Variants in PARD3B observed in about 807,000 individuals in gnomAD.
PARD3B encodes the protein par-3 family cell polarity regulator beta.
Under a neutral mutation model 130.2 loss-of-function variants are expected in PARD3B, and 103 were observed. The ratio of observed to expected loss-of-function variants is 0.79; its 90% CI spans 0.67 to 0.93. PARD3B has a LOEUF of 0.93. Ranked by LOEUF, PARD3B falls within the 40% of genes least tolerant of loss-of-function variation. The pLI, the probability that PARD3B is intolerant of heterozygous loss-of-function variation, is 0.00. For synonymous variants in PARD3B, 583 were observed against 553.2 expected, an observed-to-expected ratio of 1.05 and a Z score of -0.76; for missense variants, 1,609 against 1,499.2, an observed-to-expected ratio of 1.07 and a Z score of -1.21.
intron 16 of PARD3B, among the ~76,000 whole-genome samples, chr2:205,283,918 T>C (rs1346875271): frequency 6.6e-6 from 1 of 152,174 alleles, no homozygotes; most frequent in African/African-American, 2.4e-5. Flanking sequence ...AATGCTCCCC[T>C]CTACCCCCAC....
intron 21 of PARD3B, among the ~76,000 whole-genome samples, chr2:205,523,428 G>GAGAC (rs1004321083): frequency 2.0e-5 from 3 of 151,532 alleles, no homozygotes; most frequent in African/African-American, 7.3e-5. Context: ...CTTTTTAATA[G>GAGAC]AGACGGGGTT....
chr2:204,756,735 TAAGAA>T (rs1183272022), intron 2 of PARD3B, among the ~76,000 whole-genome samples: 1 of 151,996 alleles, frequency 6.6e-6, no homozygotes, highest in Non-Finnish European at 1.5e-5. Flanking sequence ...TGAAATAGAG[TAAGAA>T]AAGAAACTGA....
chr2:204,779,118 A>G lies in PARD3B; in HGVS notation c.222+92836A>G, dbSNP rs1036069273. ...GGAGATGCTTTAACCTGTCCTCTTC[A>G]TGGGGTCAACTTCTCCTCCCCCTCA... is the stretch of plus-strand genomic sequence containing the variant. On this transcript the variant is annotated intron_variant, in intron 2 of 22. Transcript: ENST00000406610. 6.6e-5 allele frequency among the ~76,000 whole-genome samples: 10 copies of G among 152,200 alleles called. No individual in the cohort carries two copies. In the East Asian group the frequency reaches 1.5e-3, roughly 24 times the overall value.
rs1427611506 is a variant in PARD3B at position 205,183,733 on chromosome 2, T to TGC, written c.1925-2030_1925-2029insCG. Among the ~76,000 whole-genome samples, 1 of 82,428 alleles carries TGC rather than the reference T, an allele frequency of 1.2e-5. No homozygotes were observed. Among genetic ancestry groups the TGC allele is most frequent in the Non-Finnish European group, 2.5e-5 (1 of 40,194 alleles). 54.1% of individuals were successfully genotyped at this position (82,428 alleles called of 152,430 possible). Reference sequence around the variant, plus strand: ...TCTGCAGAGAAACAGAACCAAGTTGTGTGTGTGTGTGTGTGTGTGTGTGTG... The same window carrying TGC: ...TCTGCAGAGAAACAGAACCAAGTTGTGCGTGTGTGTGTGTGTGTGTGTGTGTG... On this transcript the variant is annotated intron_variant, in intron 13 of 22. Transcript: ENST00000406610. This position sits in a 1 kb window ranked among gnomAD's most constrained non-coding sequence, Gnocchi z 5.2.
At chr2:205,115,937 AT>A (rs937590966) in intron 6 of PARD3B, among the ~76,000 whole-genome samples, 32 of 151,010 alleles carry the variant, frequency 2.1e-4, no homozygotes, top group South Asian at 1.3e-3. Flanking sequence ...GTATTTTTTT[AT>A]TTTTTTTTCT....
intron 4 of PARD3B, among the ~76,000 whole-genome samples, chr2:205,055,402 C>T (rs1346072781): frequency 2.0e-5 from 3 of 152,106 alleles, no homozygotes; most frequent in Non-Finnish European, 4.4e-5. Flanking sequence ...ACATTTACGA[C>T]GTGTTTCTTG....
At chr2:205,090,563 C>T (rs1480469448) in intron 4 of PARD3B, among the ~76,000 whole-genome samples, 1 of 152,206 alleles carries the variant, frequency 6.6e-6, no homozygotes, top group African/African-American at 2.4e-5. Flanking sequence ...CAGTCAGCTT[C>T]ACAATCAGAT....
intron 20 of PARD3B, among the ~76,000 whole-genome samples, chr2:205,492,335 T>C (rs1306662853): frequency 6.6e-6 from 1 of 152,192 alleles, no homozygotes; most frequent in African/African-American, 2.4e-5. Context: ...TTCATTATTC[T>C]TAACATAGAA....
chr2:204,965,837 A>G (rs1276311974), intron 3 of PARD3B, among the ~76,000 whole-genome samples: 5 of 152,210 alleles, frequency 3.3e-5, no homozygotes, highest in African/African-American at 1.2e-4. Context: ...AATATTTTTC[A>G]TTATATTTGT....
At chr2:205,137,361 A>G (rs1217777099) in intron 10 of PARD3B, among the ~76,000 whole-genome samples, 1 of 152,196 alleles carries the variant, frequency 6.6e-6, no homozygotes. Flanking sequence ...GGCAGGAAAG[A>G]AAACTGCAGA....
rs553765386 is a variant in PARD3B at position 204,931,850 on chromosome 2, T to C, written c.223-33302T>C. ...TAAAGTTTCAAAACAGAAGAATGAA[T>C]TTGCACCTCAAGCTTGGCATCTCTG... On this transcript the variant is annotated intron_variant, in intron 2 of 22. Transcript: ENST00000406610. Among the ~76,000 whole-genome samples the C allele has an allele frequency of 2.6e-5, 4 of 152,152 alleles. No individual in the cohort carries two copies. In the East Asian group the frequency reaches 7.7e-4, roughly 29 times the overall value.
At chr2:204,597,592 T>C (rs538857960) in intron 1 of PARD3B, among the ~76,000 whole-genome samples, 4 of 152,322 alleles carry the variant, frequency 2.6e-5, no homozygotes, top group Non-Finnish European at 4.4e-5. Context: ...GCAGGTGATG[T>C]TGACCCTTTT....
chr2:205,372,800 T>A (rs2044874090), intron 18 of PARD3B, among the ~76,000 whole-genome samples: 1 of 152,064 alleles, frequency 6.6e-6, no homozygotes. Context: ...GGAAACATAG[T>A]GAGACTTCAT....
chr2:204,933,138 G>C (rs936663867), intron 2 of PARD3B, among the ~76,000 whole-genome samples: 14 of 152,126 alleles, frequency 9.2e-5, no homozygotes, highest in South Asian at 2.1e-4. Flanking sequence ...ATGAGTAACT[G>C]TTTTCATCGT....
intron 10 of PARD3B, among the ~76,000 whole-genome samples, chr2:205,139,289 C>T (rs1028950100): frequency 1.2e-4 from 19 of 152,168 alleles, no homozygotes; most frequent in African/African-American, 4.6e-4. Context: ...TACCCACACC[C>T]ACAGTCATTG....
chr2:205,165,372 A>G (rs1230953301), intron 11 of PARD3B, among the ~76,000 whole-genome samples: 1 of 152,210 alleles, frequency 6.6e-6, no homozygotes, highest in African/African-American at 2.4e-5. Context: ...ATGTGGCCAT[A>G]GTAAAGGCCA....
chr2:204,645,464 T>C (rs2035239774), intron 1 of PARD3B, among the ~76,000 whole-genome samples: 1 of 152,168 alleles, frequency 6.6e-6, no homozygotes, highest in Non-Finnish European at 1.5e-5. Context: ...AAAAATTTTG[T>C]TTCATGGGTT....
At chr2:205,002,930 C>T (rs1694961539) in intron 3 of PARD3B, among the ~76,000 whole-genome samples, 1 of 152,212 alleles carries the variant, frequency 6.6e-6, no homozygotes, top group Non-Finnish European at 1.5e-5. Context: ...GAGAAAACTC[C>T]TTGTAGGGCA....
chr2:204,892,847 G>A (rs2046501059), intron 2 of PARD3B, among the ~76,000 whole-genome samples: 1 of 152,196 alleles, frequency 6.6e-6, no homozygotes, highest in African/African-American at 2.4e-5. Context: ...TCTGGGCTGG[G>A]GAAAGGGAGA....
Sources: gnomAD v4.1 joint callset for allele counts (sites outside exome capture counted in the v4.1 genomes callset) on GRCh38, gnomAD v4.1.1 for gene constraint, Gnocchi (gnomAD v3.1) non-coding constraint, MANE v1.5 for transcripts, NCBI Gene and HGNC (gene_info 2026-07-23, HGNC 2026-07-21) for gene names.